SDK2: variants seen among roughly 807,000 people sequenced by gnomAD.
The protein encoded by SDK2 is protein sidekick-2.
In SDK2, 105 loss-of-function variants were observed where a neutral mutation model predicts 253.9. The ratio of observed to expected loss-of-function variants is 0.41; its 90% confidence interval spans 0.35 to 0.49. The LOEUF (loss-of-function observed/expected upper bound fraction) is 0.49, where lower values mean the gene tolerates loss of function less well. SDK2 is among the 20% of genes least tolerant of loss of function. The pLI is 0.06. For synonymous variants in SDK2, 1,249 were observed against 1,234.9 expected (o/e 1.01, Z -0.24); for missense variants, 2,608 against 3,003.0 (o/e 0.87, Z 3.07).
intron 12 of SDK2, among the ~76,000 whole-genome samples, chr17:73,428,632 A>T (rs969751457): frequency 3.3e-5 from 5 of 152,182 alleles, no homozygotes; most frequent in African/African-American, 1.2e-4. Flanking sequence ...TGTGTTTTGC[A>T]GATAGAACAG....
intron 1 of SDK2, among the ~76,000 whole-genome samples, chr17:73,545,580 C>T (rs1282230890): frequency 2.6e-5 from 4 of 152,220 alleles, no homozygotes; most frequent in East Asian, 1.9e-4. Context: ...TCCCCATCCC[C>T]ACCCACCACT....
chr17:73,590,634 T>C (rs937867274), intron 1 of SDK2, among the ~76,000 whole-genome samples: 2 of 152,198 alleles, frequency 1.3e-5, no homozygotes, highest in African/African-American at 4.8e-5. Context: ...GTGGGGAATC[T>C]GGGCATGGCC....
chr17:73,521,365 T>C (rs1167525974), intron 1 of SDK2: 1 of 151,706 alleles, frequency 6.6e-6, no homozygotes, highest in African/African-American at 2.4e-5. Context: ...GCAAATCTTA[T>C]CCCCATCAAA....
rs147977345 is a variant in SDK2 at position 73,579,448 on chromosome 17, G to T, written c.64+64577C>A. 7.1e-3 allele frequency among the ~76,000 whole-genome samples: 1,079 copies of T among 152,208 alleles called. 8 individuals carry two copies. The highest frequency in any genetic ancestry group is 0.011 in the Non-Finnish European group (755 of 68,010). On this transcript the variant is annotated intron_variant, in intron 1 of 44. Coordinates refer to ENST00000392650, the MANE Select transcript of SDK2 (RefSeq NM_001144952.2). The stretch of plus-strand genomic sequence containing the variant: ...CTCTTACTCAGGCTTCTCGCACGGT[G>T]CTCCCCCTCCCTGAAGAGTCTCCCC...
intron 2 of SDK2, among the ~76,000 whole-genome samples, chr17:73,477,318 G>A (rs532407365): frequency 1.7e-4 from 26 of 152,222 alleles, no homozygotes; most frequent in African/African-American, 4.3e-4. Context: ...AGGTCACCCC[G>A]GGGGTGGGGG....
At chr17:73,372,646 C>T (rs1209067684) in intron 36 of SDK2, among the ~76,000 whole-genome samples, 2 of 152,002 alleles carry the variant, frequency 1.3e-5, no homozygotes, top group Non-Finnish European at 2.9e-5. Context: ...GAGGCTGAGA[C>T]AGGACAATCC....
chr17:73,344,938 C>A (rs1021656), intron 44 of SDK2, among the ~76,000 whole-genome samples: 117,948 of 152,190 alleles, frequency 0.78, 46,193 homozygotes, highest in East Asian at 0.83. Context: ...CAAATAAATG[C>A]CACCTCCTTC....
intron 1 of SDK2, among the ~76,000 whole-genome samples, chr17:73,532,052 G>C (rs999987581): frequency 6.6e-6 from 1 of 152,228 alleles, no homozygotes; most frequent in East Asian, 1.9e-4. Context: ...CTCAAGGGGG[G>C]GTCATTCTGT....
intron 1 of SDK2, among the ~76,000 whole-genome samples, chr17:73,601,050 C>T (rs1473392115): frequency 6.7e-6 from 1 of 150,286 alleles, no homozygotes; most frequent in East Asian, 2.0e-4. Context: ...GATGGCATCT[C>T]ACTCTGTTGC....
chr17:73,342,202 C>G (rs1047115355), intron 44 of SDK2, among the ~76,000 whole-genome samples: 7 of 152,012 alleles, frequency 4.6e-5, no homozygotes, highest in African/African-American at 7.3e-5. Context: ...CAGCCACTCT[C>G]CTTACCACCC....
intron 8 of SDK2, among the ~76,000 whole-genome samples, chr17:73,437,127 C>T (rs958240542): frequency 3.9e-5 from 6 of 152,206 alleles, no homozygotes; most frequent in African/African-American, 1.4e-4. Context: ...GCACAGTCCT[C>T]ATTCCTGCAG....
Position 73,644,195 on chromosome 17 carries a change from T to C in SDK2, c.-107A>G. 1 of 910,618 alleles carries C rather than the reference T, an allele frequency of 1.1e-6. No individual in the cohort carries two copies. The highest frequency in any genetic ancestry group is 1.7e-6 in the Non-Finnish European group (1 of 581,230). 56.4% of individuals were successfully genotyped at this position (910,618 alleles called of 1,614,324 possible). Reference sequence around the variant, plus strand: ...TGGCTTAGTCCCAGGAAACAGTCAGTCTACGCGGCTCCGTGCCCCGGGGTG... The same window carrying C: ...TGGCTTAGTCCCAGGAAACAGTCAGCCTACGCGGCTCCGTGCCCCGGGGTG... On this transcript the variant is annotated 5_prime_UTR_variant, in exon 1 of 45. Transcript: ENST00000392650. The surrounding 1 kb of genome is among the most constrained non-coding windows in gnomAD (Gnocchi z 6.3).
intron 1 of SDK2, among the ~76,000 whole-genome samples, chr17:73,532,333 C>T (rs2064175950): frequency 1.3e-5 from 2 of 152,174 alleles, no homozygotes; most frequent in South Asian, 4.1e-4. Flanking sequence ...CTTGACCCTG[C>T]CACGCAGTAG....
chr17:73,450,699 G>A (rs748685249), intron 4 of SDK2, among the ~76,000 whole-genome samples: 1 of 152,222 alleles, frequency 6.6e-6, no homozygotes, highest in Non-Finnish European at 1.5e-5. Flanking sequence ...TTCTGGGTCA[G>A]TGGTTCTCAA....
chr17:73,458,961 G>A (rs2063547129), intron 3 of SDK2, among the ~76,000 whole-genome samples: 1 of 152,118 alleles, frequency 6.6e-6, no homozygotes, highest in African/African-American at 2.4e-5. Flanking sequence ...CCGAGATGGG[G>A]TCGTTGTACT....
chr17:73,538,427 GC>G (rs1316726793), intron 1 of SDK2, among the ~76,000 whole-genome samples: 1 of 152,168 alleles, frequency 6.6e-6, no homozygotes, highest in Non-Finnish European at 1.5e-5. Context: ...AGGGTCTTCT[GC>G]CAGAAACCCA....
intron 1 of SDK2, among the ~76,000 whole-genome samples, chr17:73,607,743 T>A (rs1415896857): frequency 6.6e-6 from 1 of 150,860 alleles, no homozygotes; most frequent in Non-Finnish European, 1.5e-5. Flanking sequence ...CAACAGAGAG[T>A]CGGATCTCGG....
intron 1 of SDK2, among the ~76,000 whole-genome samples, chr17:73,619,475 A>G (rs1168747261): frequency 2.0e-5 from 3 of 152,228 alleles, no homozygotes; most frequent in Non-Finnish European, 4.4e-5. Context: ...AGTTGTCAGG[A>G]AACTCAATGG....
At chr17:73,359,699 G>T (rs1318247710) in intron 39 of SDK2, among the ~76,000 whole-genome samples, 4 of 152,224 alleles carry the variant, frequency 2.6e-5, no homozygotes, top group African/African-American at 9.7e-5. Flanking sequence ...AGGCGGGAGT[G>T]CAGGGGCACG....
Sources: allele counts gnomAD v4.1 joint callset (sites outside exome capture counted in the v4.1 genomes callset), GRCh38; gene constraint gnomAD v4.1.1; non-coding constraint Gnocchi (gnomAD v3.1); transcripts MANE v1.5; gene names NCBI Gene and HGNC (gene_info 2026-07-23, HGNC 2026-07-21).